ASB16: variants seen among roughly 807,000 people sequenced by gnomAD.
ASB16 encodes ankyrin repeat and SOCS box containing 16, also known as ankyrin repeat and SOCS box protein 16.
In ASB16, 44 loss-of-function variants were observed where a neutral mutation model predicts 39.1. That is an observed-to-expected ratio of 1.13 (90% CI 0.88 to 1.45). The LOEUF (loss-of-function observed/expected upper bound fraction) is 1.45. Ranked by LOEUF, ASB16 falls within the 40% of genes most tolerant of loss-of-function variation. The pLI is 0.00. For missense variants in ASB16, 698 were observed against 634.5 expected (o/e 1.10, Z -1.07); for synonymous variants, 305 against 286.7 (o/e 1.06, Z -0.64).
In ASB16 at chr17:44,172,294, A is replaced by G. The variant is rs1382667204; in HGVS notation, c.550A>G (p.Thr184Ala). The change falls in exon 2 of 5, where the codon ACG (threonine) becomes GCG (alanine). Residue 184 changes from threonine (T) to alanine (A), a missense_variant. Physicochemically the swap from Thr to Ala is moderately conservative, Grantham distance 58. Transcript: ENST00000293414. ...GGGCACGACTCCTTTGCACCTCTGC[A>G]CGATCCCCGAGTCCTTGCAGTAGGT... is the stretch of plus-strand genomic sequence containing the variant. ...EEGTTPLHLC[T>A]IPESLQCAKL... is the part of the protein sequence containing the mutation. The G allele has an allele frequency of 1.2e-6, 2 of 1,612,898 alleles. No individual in the cohort carries two copies. The highest frequency in any genetic ancestry group is 1.7e-6 in the Non-Finnish European group (2 of 1,180,018).
chr17:44,177,021 C>T lies in ASB16; in HGVS notation c.853C>T (p.His285Tyr), dbSNP rs2054304153. 1 of 1,491,636 alleles carries T rather than the reference C, an allele frequency of 6.7e-7. No homozygotes were observed. Among genetic ancestry groups the T allele is most frequent in the East Asian group, 2.7e-5 (1 of 36,930 alleles). 92.4% of individuals were successfully genotyped at this position (1,491,636 alleles called of 1,614,324 possible). A position where few individuals can be genotyped will look rare whatever the true frequency, so the allele number is the denominator to read the frequency against. The change falls in exon 3 of 5, where the codon CAC (histidine) becomes TAC (tyrosine). Residue 285 changes from histidine to tyrosine, a missense_variant. Physicochemically the swap from His to Tyr is moderately conservative, Grantham distance 83. Coordinates refer to ENST00000293414, the MANE Select transcript of ASB16 (RefSeq NM_080863.5). The part of the protein sequence containing the change: ...ADARAAGRKR[H>Y]TPLHNACANG... ...TGCCCGGGCGGCCGGGCGCAAGCGC[C>T]ACACGCCGCTGCACAACGCTTGTGC...
chr17:44,177,380 A>G, intron 3 of ASB16, 150 bp downstream of exon 3: 4 of 1,257,474 alleles, frequency 3.2e-6, no homozygotes, highest in South Asian at 3.2e-5. Flanking sequence ...AGGGGGAGAG[A>G]GGATTCTGGG....
In ASB16 at chr17:44,176,805, C is replaced by A. The variant is rs1275137202; in HGVS notation, c.637C>A (p.Pro213Thr). ...GGCAGCAGGCGAGAGCCAGGAGACG[C>A]CCCTGCACGTGGCGGCGGCGCGCGG... ...NLAAGESQET[P>T]LHVAAARGLE... The change falls in exon 3 of 5, where the codon CCC becomes ACC. Residue 213 changes from proline (P) to threonine (T), a missense_variant. Physicochemically the swap from Pro to Thr is conservative, Grantham distance 38. Coordinates refer to ENST00000293414, the MANE Select transcript of ASB16 (RefSeq NM_080863.5). 3 of 1,613,076 alleles carry A rather than the reference C, an allele frequency of 1.9e-6. No individual in the cohort carries two copies. The highest frequency in any genetic ancestry group is 2.5e-6 in the Non-Finnish European group (3 of 1,179,504).
chr17:44,172,244 C>T lies in ASB16; in HGVS notation c.500C>T (p.Ala167Val). 6.2e-7 allele frequency: 1 copy of T among 1,613,842 alleles called. No homozygotes were observed. The change falls in exon 2 of 5, where the codon GCC (alanine) becomes GTC (valine). Residue 167 changes from alanine to valine, a missense_variant. Transcript: ENST00000293414. The part of the protein sequence containing the change: ...DCVRLLLTFG[A>V]KANVLTEEGT... ...GTGCGGCTGCTGCTGACCTTCGGAG[C>T]CAAGGCTAATGTGCTGACTGAGGAG...
At chr17:44,173,753 G>A (rs2054262817) in intron 2 of ASB16, among the ~76,000 whole-genome samples, 1 of 152,144 alleles carries the variant, frequency 6.6e-6, no homozygotes, top group Admixed American at 6.5e-5. Flanking sequence ...CTAGGCTTCA[G>A]TGAGCTATGA....
chr17:44,171,020 C>G lies in ASB16; in HGVS notation c.231C>G (p.Phe77Leu), dbSNP rs1567729941. ...SGNLQQVQALFQDEEAANMIV... is the reference protein window; with the variant it reads ...SGNLQQVQALLQDEEAANMIV... Reference sequence around the variant, plus strand: ...ACCTGCAGCAGGTCCAAGCCCTGTTCCAAGATGAAGAGGCCGCCAACATGA... The same window carrying G: ...ACCTGCAGCAGGTCCAAGCCCTGTTGCAAGATGAAGAGGCCGCCAACATGA... Residue 77 changes from phenylalanine (F) to leucine (L), a missense_variant, in exon 1 of 5, where the codon TTC becomes TTG. Phe to Leu is a conservative substitution (Grantham distance 22, BLOSUM62 0). Transcript: ENST00000293414. The G allele has an allele frequency of 6.2e-7, 1 of 1,614,086 alleles. No homozygotes were observed. Among genetic ancestry groups the G allele is most frequent in the Non-Finnish European group, 8.5e-7 (1 of 1,180,036 alleles).
At chr17:44,176,613 C>A in intron 2 of ASB16, 125 bp from the exon 3 acceptor site, 1 of 1,382,730 alleles carries the variant, frequency 7.2e-7, no homozygotes, top group Non-Finnish European at 1.0e-6. Context: ...TTGTATGATT[C>A]TCATGGAGGA....
Position 44,177,723 on chromosome 17 carries a change from GTA to G in ASB16, c.1176+3_1176+4del, listed in dbSNP as rs1479648281. The G allele has an allele frequency of 6.2e-7, 1 of 1,613,284 alleles. No homozygotes were observed. Among genetic ancestry groups the G allele is most frequent in the Admixed American group, 1.7e-5 (1 of 59,942 alleles). On this transcript the variant is annotated splice_donor_variant and splice_donor_region_variant and intron_variant, in intron 4 of 4. Transcript: ENST00000293414. LOFTEE classifies it high-confidence loss of function. ...GGCGGTGCTCCCAGAGCTGTGGAAGGTATGTTTGCCTCAGGGCCGAGATGGGG... is the reference window on the plus strand; with the variant it reads ...GGCGGTGCTCCCAGAGCTGTGGAAGGTGTTTGCCTCAGGGCCGAGATGGGG...
intron 2 of ASB16, 64 bp downstream of exon 2, chr17:44,172,377 G>A: frequency 6.4e-7 from 1 of 1,556,756 alleles, no homozygotes; most frequent in Non-Finnish European, 8.7e-7. Context: ...AGCTCACAAG[G>A]CCAGAAGAGG....
chr17:44,171,236 A>T, intron 1 of ASB16, 146 bp downstream of exon 1: 1 of 886,828 alleles, frequency 1.1e-6, no homozygotes, highest in Non-Finnish European at 1.7e-6. Context: ...TCCTAAACAG[A>T]GATGAGGCAG....
rs748741536 is a variant in ASB16 at position 44,178,345 on chromosome 17, C to T, written c.1317C>T (p.Leu439=). The part of the protein sequence containing the change: ...QGATRLPLPP[L]LRDYLLLRVE... ...CCACCCGGCTGCCACTGCCCCCGCTCCTCAGGGACTACCTGCTGCTGCGTG... is the reference window on the plus strand; with the variant it reads ...CCACCCGGCTGCCACTGCCCCCGCTTCTCAGGGACTACCTGCTGCTGCGTG... Residue 439 remains leucine, a synonymous_variant, in exon 5 of 5, where the codon CTC becomes CTT. Coordinates refer to ENST00000293414, the MANE Select transcript of ASB16 (RefSeq NM_080863.5). 2 of 1,611,216 alleles carry T rather than the reference C, an allele frequency of 1.2e-6. No individual in the cohort carries two copies. Among genetic ancestry groups the T allele is most frequent in the East Asian group, 4.5e-5 (2 of 44,814 alleles).
rs1219895543 is a variant in ASB16 at position 44,178,369 on chromosome 17, T to C, written c.1341T>C (p.Arg447=). 6.2e-7 allele frequency: 1 copy of C among 1,604,682 alleles called. No individual in the cohort carries two copies. The highest frequency in any genetic ancestry group is 1.3e-5 in the African/African-American group (1 of 74,912). ...TCCTCAGGGACTACCTGCTGCTGCG[T>C]GTGGAGGGGTGCATCCAGTGAACCC... The part of the protein sequence containing the change: ...PPLLRDYLLL[R]VEGCIQ Residue 447 remains arginine (R), a synonymous_variant, in exon 5 of 5, where the codon CGT becomes CGC. Coordinates refer to ENST00000293414, the MANE Select transcript of ASB16 (RefSeq NM_080863.5).
chr17:44,178,201 C>T lies in ASB16; in HGVS notation c.1177-4C>T, dbSNP rs566527607. ...CATCTGACCTTCTTTCACTCCTGGC[C>T]TAGGAGCACGAAGCCTTCTACAGCT... On this transcript the variant is annotated splice_region_variant and splice_polypyrimidine_tract_variant and intron_variant, in intron 4 of 4. Coordinates refer to ENST00000293414, the MANE Select transcript of ASB16 (RefSeq NM_080863.5). The T allele has an allele frequency of 6.2e-7, 1 of 1,612,672 alleles. No individual in the cohort carries two copies. The highest frequency in any genetic ancestry group is 8.5e-7 in the Non-Finnish European group (1 of 1,179,984).
intron 2 of ASB16, among the ~76,000 whole-genome samples, chr17:44,174,750 A>T (rs1349031713): frequency 6.6e-6 from 1 of 152,192 alleles, no homozygotes; most frequent in Non-Finnish European, 1.5e-5. Context: ...CTTTCTAAGT[A>T]AGATGAGAAT....
At chr17:44,177,876 T>C (rs1477022659) in intron 4 of ASB16, 154 bp downstream of exon 4, 1 of 1,067,070 alleles carries the variant, frequency 9.4e-7, no homozygotes, top group East Asian at 2.6e-5. Context: ...CCTCCCCCGG[T>C]ACCCCAGGCT....
chr17:44,178,231 C>G lies in ASB16; in HGVS notation c.1203C>G (p.Ala401=), dbSNP rs2054328615. ...AGCACGAAGCCTTCTACAGCTCGGCCCTGTGCATGGTGAACCAGCCAAGGC... is the reference window on the plus strand; with the variant it reads ...AGCACGAAGCCTTCTACAGCTCGGCGCTGTGCATGGTGAACCAGCCAAGGC... ...WKEHEAFYSS[A]LCMVNQPRQL... is the part of the protein sequence containing the mutation. Residue 401 remains alanine, a synonymous_variant, in exon 5 of 5, where the codon GCC becomes GCG. Coordinates refer to ENST00000293414, the MANE Select transcript of ASB16 (RefSeq NM_080863.5). The G allele has an allele frequency of 6.2e-7, 1 of 1,613,404 alleles. No individual in the cohort carries two copies. Among genetic ancestry groups the G allele is most frequent in the South Asian group, 1.1e-5 (1 of 91,078 alleles).
chr17:44,172,005 T>C (rs1484839625), intron 1 of ASB16, 41 bp from the exon 2 acceptor site: 1 of 1,583,554 alleles, frequency 6.3e-7, no homozygotes, highest in Admixed American at 1.7e-5. Context: ...TGCCCTGCCC[T>C]GTCTTATACA....
At position 44,177,015 on chromosome 17, in the gene ASB16, A is replaced by G. The variant is rs1431535930; in HGVS notation, c.847A>G (p.Lys283Glu). The change falls in exon 3 of 5, where the codon AAG (lysine) becomes GAG (glutamate). Residue 283 changes from lysine to glutamate, a missense_variant. By Grantham distance (56) the Lys-to-Glu change is moderately conservative. Coordinates refer to ENST00000293414, the MANE Select transcript of ASB16 (RefSeq NM_080863.5). ...AGCTGATGCCCGGGCGGCCGGGCGCAAGCGCCACACGCCGCTGCACAACGC... is the reference window on the plus strand; with the variant it reads ...AGCTGATGCCCGGGCGGCCGGGCGCGAGCGCCACACGCCGCTGCACAACGC... The part of the protein sequence containing the change: ...AGADARAAGR[K>E]RHTPLHNACA... 1.3e-6 allele frequency: 2 copies of G among 1,490,338 alleles called. No individual in the cohort carries two copies. The highest frequency in any genetic ancestry group is 1.5e-5 in the African/African-American group (1 of 67,842). 92.3% of individuals were successfully genotyped at this position (1,490,338 alleles called of 1,614,324 possible). A position where few individuals can be genotyped will look rare whatever the true frequency, so the allele number is the denominator to read the frequency against.
chr17:44,172,322 C>A lies in ASB16; in HGVS notation c.569+9C>A. 1 of 1,604,926 alleles carries A rather than the reference C, an allele frequency of 6.2e-7. No homozygotes were observed. The highest frequency in any genetic ancestry group is 8.5e-7 in the Non-Finnish European group (1 of 1,177,474). ...ATCCCCGAGTCCTTGCAGTAGGTGC[C>A]TGGGGGCTGAGACAGTTTGGGGAGA... On this transcript the variant is annotated intron_variant, in intron 2 of 4. Transcript: ENST00000293414.
Sources: gnomAD v4.1 joint callset for allele counts (sites outside exome capture counted in the v4.1 genomes callset) on GRCh38, gnomAD v4.1.1 for gene constraint, MANE v1.5 for transcripts, NCBI Gene and HGNC (gene_info 2026-07-23, HGNC 2026-07-21) for gene names.